PES1: variants seen among roughly 807,000 people sequenced by gnomAD.
PES1 encodes pescadillo homolog.
PES1 carries 31 observed loss-of-function variants against 77.1 expected under a neutral mutation model. The ratio of observed to expected loss-of-function variants is 0.40; its 90% CI spans 0.30 to 0.54. PES1 has a LOEUF of 0.54. Ranked by LOEUF, PES1 falls within the 20% of genes least tolerant of loss-of-function variation. The pLI, the probability that PES1 is intolerant of heterozygous loss-of-function variation, is 0.45. For missense variants in PES1, 658 were observed against 771.7 expected (o/e 0.85, Z 1.75); for synonymous variants, 282 against 303.0 (o/e 0.93, Z 0.72).
intron 2 of PES1, among the ~76,000 whole-genome samples, chr22:30,597,496 TGTG>T (rs1387069489): frequency 3.3e-5 from 2 of 61,208 alleles, no homozygotes; most frequent in African/African-American, 1.3e-4. Context: ...TAGCTGATCT[TGTG>T]GGGACTTGGA....
chr22:30,587,071 C>T (rs2087102077), intron 4 of PES1: 1 of 537,788 alleles, frequency 1.9e-6, no homozygotes, highest in Non-Finnish European at 3.3e-6. Flanking sequence ...CTGGCTCAAA[C>T]GTCTCCCTTC....
intron 2 of PES1, among the ~76,000 whole-genome samples, chr22:30,597,868 G>T (rs1172945082): frequency 6.8e-6 from 1 of 147,132 alleles, no homozygotes; most frequent in African/African-American, 2.5e-5. Context: ...TTTTTTCCAC[G>T]CAGTTGAAGT....
intron 4 of PES1, chr22:30,586,975 G>A: frequency 9.1e-6 from 3 of 327,920 alleles, no homozygotes; most frequent in South Asian, 7.7e-5. Context: ...CCAGGTACCC[G>A]TCGTGCCTTC....
At chr22:30,603,263 C>T (rs1230483095) in intron 2 of PES1, among the ~76,000 whole-genome samples, 1 of 152,150 alleles carries the variant, frequency 6.6e-6, no homozygotes, top group Non-Finnish European at 1.5e-5. Context: ...TTGGAGACTA[C>T]CAGTCATCCA....
At chr22:30,603,464 C>T (rs2087389462) in intron 2 of PES1, among the ~76,000 whole-genome samples, 1 of 152,170 alleles carries the variant, frequency 6.6e-6, no homozygotes, top group African/African-American at 2.4e-5. Context: ...TCACTGCAAC[C>T]TCTGGCCCCC....
intron 10 of PES1, 120 bp from the exon 11 acceptor site, chr22:30,580,298 C>A (rs919466677): frequency 6.3e-6 from 8 of 1,278,412 alleles, no homozygotes; most frequent in Non-Finnish European, 8.6e-6. Flanking sequence ...GACACAATTA[C>A]CCCCTCCTCA....
intron 2 of PES1, among the ~76,000 whole-genome samples, chr22:30,602,314 T>G (rs2087368526): frequency 2.0e-5 from 3 of 152,184 alleles, no homozygotes; most frequent in Admixed American, 1.3e-4. Context: ...GCTTCCCCTT[T>G]GCTTTCTGCC....
At chr22:30,585,793 G>C (rs2146471160) in intron 4 of PES1, among the ~76,000 whole-genome samples, 1 of 151,932 alleles carries the variant, frequency 6.6e-6, no homozygotes, top group South Asian at 2.1e-4. Flanking sequence ...CATGAGACCA[G>C]ACATTGCCAA....
intron 2 of PES1, chr22:30,605,390 CCTT>C (rs942973892): frequency 1.3e-4 from 117 of 914,186 alleles, no homozygotes; most frequent in Non-Finnish European, 1.5e-4. Context: ...GTGTCTCCCT[CCTT>C]TACTTCGACA....
intron 2 of PES1, among the ~76,000 whole-genome samples, chr22:30,598,585 C>T (rs1161815890): frequency 2.0e-5 from 3 of 152,156 alleles, no homozygotes; most frequent in Non-Finnish European, 2.9e-5. Context: ...TTTGCTACCA[C>T]GCCTGGCTCA....
At chr22:30,579,427 T>C in intron 12 of PES1, 124 bp from the exon 13 acceptor site, 1 of 1,493,128 alleles carries the variant, frequency 6.7e-7, no homozygotes, top group Non-Finnish European at 9.0e-7. Context: ...TTCAGGGATG[T>C]CCCAATTGTG....
At chr22:30,584,321 T>C (rs1339321006) in intron 6 of PES1, 44 bp downstream of exon 6, 7 of 1,403,396 alleles carry the variant, frequency 5.0e-6, no homozygotes, top group South Asian at 4.9e-5. Context: ...CATATCTGTC[T>C]AGGAGGCAGC....
Position 30,587,356 on chromosome 22 carries a change from C to G in PES1, c.298G>C (p.Glu100Gln), listed in dbSNP as rs747591725. ...TTTAAACGCTCTACAGTGTTCCACTCGCTCTTCCCATAAGCCTTCCGGAGC... is the reference window on the plus strand; with the variant it reads ...TTTAAACGCTCTACAGTGTTCCACTGGCTCTTCCCATAAGCCTTCCGGAGC... ...RKLRKAYGKS[E>Q]WNTVERLKDN... is the part of the protein sequence containing the mutation. The change falls in exon 4 of 15, where the codon GAG becomes CAG. Residue 100 changes from glutamate to glutamine, a missense_variant. Coordinates refer to ENST00000354694, the MANE Select transcript of PES1 (RefSeq NM_014303.4). 2 of 1,614,044 alleles carry G rather than the reference C, an allele frequency of 1.2e-6. No individual in the cohort carries two copies. Among genetic ancestry groups the G allele is most frequent in the Admixed American group, 3.3e-5 (2 of 60,014 alleles).
At position 30,588,023 on chromosome 22, in the gene PES1, T is replaced by C. The variant is rs376188573; in HGVS notation, c.256A>G (p.Lys86Glu). ...EPIVNKFREY[K>E]VFVRKLRKAY... ...AGACCCTAGAGCCCAGACCTCACCTTGTATTCACGGAACTTGTTGACAATG... is the reference window on the plus strand; with the variant it reads ...AGACCCTAGAGCCCAGACCTCACCTCGTATTCACGGAACTTGTTGACAATG... The change falls in exon 3 of 15, where the codon AAG (lysine) becomes GAG (glutamate). Residue 86 changes from lysine to glutamate, a missense_variant and splice_region_variant. By Grantham distance (56) the Lys-to-Glu change is moderately conservative. Coordinates refer to ENST00000354694, the MANE Select transcript of PES1 (RefSeq NM_014303.4). 6 of 1,613,714 alleles carry C rather than the reference T, an allele frequency of 3.7e-6. No homozygotes were observed. Among genetic ancestry groups the C allele is most frequent in the Non-Finnish European group, 5.1e-6 (6 of 1,180,014 alleles).
chr22:30,598,741 AT>A (rs2146492936), intron 2 of PES1, among the ~76,000 whole-genome samples: 1 of 151,966 alleles, frequency 6.6e-6, no homozygotes, highest in East Asian at 1.9e-4. Context: ...AAGCTGTAAG[AT>A]TTTTATTTGT....
chr22:30,605,030 G>T (rs1009722406), intron 2 of PES1, among the ~76,000 whole-genome samples: 1 of 152,014 alleles, frequency 6.6e-6, no homozygotes, highest in East Asian at 1.9e-4. Flanking sequence ...GTCTCCTTCT[G>T]TCGCCCAGAC....
At chr22:30,604,110 G>GT (rs1283644890) in intron 2 of PES1, 1 of 152,162 alleles carries the variant, frequency 6.6e-6, no homozygotes, top group Non-Finnish European at 1.5e-5. Flanking sequence ...AAACTACAAA[G>GT]TTAAGAAAAA....
Position 30,591,886 on chromosome 22 carries a change from C to T in PES1, c.-53G>A. 6.5e-7 allele frequency: 1 copy of T among 1,532,652 alleles called. No individual in the cohort carries two copies. The highest frequency in any genetic ancestry group is 8.8e-7 in the Non-Finnish European group (1 of 1,141,794). The allele number at this position is 1,532,652 out of a possible 1,614,324, so 94.9% of individuals were successfully genotyped here. ...CCGCGCGTACAGGGAGCTCCACTTCCTCCCGCACGTGCCCTGCCAAGGACC... is the reference window on the plus strand; with the variant it reads ...CCGCGCGTACAGGGAGCTCCACTTCTTCCCGCACGTGCCCTGCCAAGGACC... On this transcript the variant is annotated 5_prime_UTR_variant, in exon 1 of 15. Transcript: ENST00000354694.
intron 12 of PES1, 28 bp from the exon 13 acceptor site, chr22:30,579,331 C>T: frequency 1.9e-6 from 3 of 1,599,604 alleles, no homozygotes; most frequent in Non-Finnish European, 2.5e-6. Context: ...CCTCTGAATG[C>T]CCTGGGAATC....
Sources: allele counts gnomAD v4.1 joint callset (sites outside exome capture counted in the v4.1 genomes callset), GRCh38; gene constraint gnomAD v4.1.1; transcripts MANE v1.5; gene names NCBI Gene and HGNC (gene_info 2026-07-23, HGNC 2026-07-21).